The following TMEFF2 variants were observed in gnomAD, a reference collection of about 807,000 sequenced individuals.
TMEFF2 encodes the protein tomoregulin-2.
Under a neutral mutation model 53.8 loss-of-function variants are expected in TMEFF2, and 28 were observed. That is an observed-to-expected ratio of 0.52 (90% CI 0.39 to 0.71). The LOEUF (loss-of-function observed/expected upper bound fraction) is 0.71, where lower values mean the gene tolerates loss of function less well. Ranked by LOEUF, TMEFF2 falls within the 30% of genes least tolerant of loss-of-function variation. The probability of loss-of-function intolerance (pLI) is 0.00; values close to 1 mark genes in which losing one functional copy is unlikely to be tolerated. For missense variants in TMEFF2, 353 were observed against 455.2 expected, an observed-to-expected ratio of 0.78 and a Z score of 2.04; for synonymous variants, 162 against 166.3, an observed-to-expected ratio of 0.97 and a Z score of 0.20.
intron 3 of TMEFF2, among the ~76,000 whole-genome samples, chr2:192,180,468 T>C (rs1691157727): frequency 6.6e-6 from 1 of 151,662 alleles, no homozygotes; most frequent in South Asian, 2.1e-4. Flanking sequence ...TCCATCTGCT[T>C]CTGCTTCTTA....
chr2:192,067,424 C>T (rs1237794473), intron 4 of TMEFF2, among the ~76,000 whole-genome samples: 1 of 151,750 alleles, frequency 6.6e-6, no homozygotes, highest in Non-Finnish European at 1.5e-5. Flanking sequence ...TAGTTGTATT[C>T]ATTGTCTCTC....
chr2:192,170,980 A>G lies in TMEFF2; in HGVS notation c.439+8688T>C, dbSNP rs1690898155. On this transcript the variant is annotated intron_variant, in intron 4 of 9. Transcript: ENST00000272771. ...AAGTACACATTGAAAATCATATCCTATAATATGTATTGTTCATTTAGTACA... is the reference window on the plus strand; with the variant it reads ...AAGTACACATTGAAAATCATATCCTGTAATATGTATTGTTCATTTAGTACA... Among the ~76,000 whole-genome samples, 6 of 152,094 alleles carry G rather than the reference A, an allele frequency of 3.9e-5. No individual in the cohort carries two copies. The South Asian group carries it at 1.2e-3, about 31-fold the overall frequency.
At chr2:192,110,994 A>G (rs1036720798) in intron 4 of TMEFF2, among the ~76,000 whole-genome samples, 1 of 152,082 alleles carries the variant, frequency 6.6e-6, no homozygotes, top group Non-Finnish European at 1.5e-5. Flanking sequence ...GCCTTTTGCC[A>G]TGATTGTGAG....
intron 7 of TMEFF2, among the ~76,000 whole-genome samples, chr2:191,997,728 A>ATGTC (rs10667943): frequency 0.42 from 63,196 of 150,888 alleles, 16,171 homozygotes; most frequent in East Asian, 0.64. Flanking sequence ...ATAATTTTGC[A>ATGTC]TGTCTGAGAA....
At chr2:192,141,459 G>GAAAAAAAAAAA (rs397987092) in intron 4 of TMEFF2, among the ~76,000 whole-genome samples, 3 of 107,264 alleles carry the variant, frequency 2.8e-5, no homozygotes, top group Non-Finnish European at 3.6e-5. Flanking sequence ...TCTCAAAAAA[G>GAAAAAAAAAAA]AAAAAAAAAA....
chr2:192,092,068 T>C (rs906185702), intron 4 of TMEFF2, among the ~76,000 whole-genome samples: 2 of 152,178 alleles, frequency 1.3e-5, no homozygotes, highest in African/African-American at 4.8e-5. Context: ...CTAACAGCTC[T>C]TTCCCTCAAT....
At chr2:192,175,849 T>C (rs1225471377) in intron 4 of TMEFF2, among the ~76,000 whole-genome samples, 1 of 151,430 alleles carries the variant, frequency 6.6e-6, no homozygotes, top group African/African-American at 2.4e-5. Flanking sequence ...TCACCAGACT[T>C]ATTTATTTTT....
At chr2:192,033,048 T>C (rs1687183061) in intron 5 of TMEFF2, among the ~76,000 whole-genome samples, 2 of 152,174 alleles carry the variant, frequency 1.3e-5, no homozygotes, top group Non-Finnish European at 2.9e-5. Context: ...CCCAAACAAT[T>C]GGTTTGATTG....
At chr2:192,152,462 G>A (rs1690410913) in intron 4 of TMEFF2, among the ~76,000 whole-genome samples, 1 of 151,562 alleles carries the variant, frequency 6.6e-6, no homozygotes. Context: ...TGATATAATA[G>A]GGTCATGAAA....
intron 4 of TMEFF2, among the ~76,000 whole-genome samples, chr2:192,146,066 T>C (rs980441129): frequency 6.6e-6 from 1 of 151,822 alleles, no homozygotes; most frequent in African/African-American, 2.4e-5. Flanking sequence ...AATCACCTCA[T>C]GCAGGCAGGA....
chr2:191,964,304 CTTCT>C (rs1380798747), intron 7 of TMEFF2, among the ~76,000 whole-genome samples: 70 of 123,384 alleles, frequency 5.7e-4, no homozygotes, highest in Non-Finnish European at 8.5e-4. Flanking sequence ...TCCTTCTTTC[CTTCT>C]TTCTTTCCTT....
Position 191,992,452 on chromosome 2 carries a change from C to G in TMEFF2, c.745+5810G>C, listed in dbSNP as rs566422878. ...CAAGGCAAATATTAGGTAAATCAAG[C>G]AAGCACCCTATTTACACAGGTAGGC... On this transcript the variant is annotated intron_variant, in intron 7 of 9. Transcript: ENST00000272771. 6.6e-5 allele frequency among the ~76,000 whole-genome samples: 10 copies of G among 152,156 alleles called. No individual in the cohort carries two copies. The South Asian group carries it at 1.5e-3, about 22-fold the overall frequency.
intron 7 of TMEFF2, among the ~76,000 whole-genome samples, chr2:191,959,203 CTCTT>C (rs1692195722): frequency 1.3e-5 from 2 of 152,166 alleles, no homozygotes; most frequent in African/African-American, 4.8e-5. Flanking sequence ...AAGGGTTGTG[CTCTT>C]TCTTCTAAAA....
At chr2:191,999,234 T>C in intron 5 of TMEFF2, 26 bp from the exon 6 acceptor site, 1 of 1,558,134 alleles carries the variant, frequency 6.4e-7, no homozygotes, top group Non-Finnish European at 8.8e-7. Flanking sequence ...AATAAAAACA[T>C]GTAACATCAA....
Position 191,950,235 on chromosome 2 carries a change from C to A in TMEFF2, c.*76G>T. 3 of 1,360,542 alleles carry A rather than the reference C, an allele frequency of 2.2e-6. No individual in the cohort carries two copies. Among genetic ancestry groups the A allele is most frequent in the Non-Finnish European group, 1.9e-6 (2 of 1,046,352 alleles). The allele number at this position is 1,360,542 out of a possible 1,614,324, so 84.3% of individuals were successfully genotyped here. The stretch of plus-strand genomic sequence containing the variant: ...AAGGCAACATGTGTAGATCTCTTGT[C>A]TTATTCTTTTGTCTATAATACTGTA... On this transcript the variant is annotated 3_prime_UTR_variant, in exon 10 of 10. Transcript: ENST00000272771.
intron 7 of TMEFF2, among the ~76,000 whole-genome samples, chr2:191,995,587 CCTTTT>C (rs1361737673): frequency 6.6e-6 from 1 of 151,838 alleles, no homozygotes; most frequent in Non-Finnish European, 1.5e-5. Context: ...CTATTTGGTT[CCTTTT>C]AATTTTTTCC....
chr2:192,104,341 A>T (rs1038445641), intron 4 of TMEFF2, among the ~76,000 whole-genome samples: 8 of 152,122 alleles, frequency 5.3e-5, no homozygotes, highest in Admixed American at 5.2e-4. Flanking sequence ...TAGGGGGCAG[A>T]TCAGAGTAAT....
chr2:191,982,069 C>T (rs944570514), intron 7 of TMEFF2, among the ~76,000 whole-genome samples: 10 of 152,142 alleles, frequency 6.6e-5, no homozygotes, highest in African/African-American at 2.2e-4. Flanking sequence ...GGGCCAGCAA[C>T]GTTGACTACA....
At chr2:192,121,124 A>AC (rs925153600) in intron 4 of TMEFF2, among the ~76,000 whole-genome samples, 61 of 152,088 alleles carry the variant, frequency 4.0e-4, no homozygotes, top group African/African-American at 1.4e-3. Context: ...AAACAAAAAA[A>AC]ACAAACATAC....
Sources: gnomAD v4.1 joint callset for allele counts (sites outside exome capture counted in the v4.1 genomes callset) on GRCh38, gnomAD v4.1.1 for gene constraint, MANE v1.5 for transcripts, NCBI Gene and HGNC (gene_info 2026-07-23, HGNC 2026-07-21) for gene names.